The following DCDC1 variants were observed in gnomAD, a reference collection of about 807,000 sequenced individuals.
The protein encoded by DCDC1 is doublecortin domain-containing protein 1.
DCDC1 carries 200 observed loss-of-function variants against 178.3 expected under a neutral mutation model. That is an observed-to-expected ratio of 1.12 (90% confidence interval 1.00 to 1.26). The LOEUF is 1.26. DCDC1 is among the 50% of genes most tolerant of loss of function. The pLI is 0.00. For missense variants in DCDC1, 1,983 were observed against 1,749.2 expected, an observed-to-expected ratio of 1.13 and a Z score of -2.38; for synonymous variants, 690 against 604.8, an observed-to-expected ratio of 1.14 and a Z score of -2.07.
At chr11:30,917,096 G>A in intron 25 of DCDC1, 68 bp from the exon 26 acceptor site, 2 of 1,457,192 alleles carry the variant, frequency 1.4e-6, no homozygotes, top group Non-Finnish European at 1.8e-6. Flanking sequence ...TTTTTTCTGA[G>A]GTGTAGTCTG....
At chr11:31,106,693 T>TA (rs1958871103) in intron 13 of DCDC1, 104 bp downstream of exon 13, 4 of 704,616 alleles carry the variant, frequency 5.7e-6, no homozygotes, top group Admixed American at 2.3e-5. Context: ...GAATTCAAAA[T>TA]AAAAAATGTT....
chr11:31,071,942 A>G (rs1956592219), intron 18 of DCDC1, among the ~76,000 whole-genome samples: 1 of 152,216 alleles, frequency 6.6e-6, no homozygotes, highest in Admixed American at 6.5e-5. Flanking sequence ...TTGAGTTAGA[A>G]CTACCCAAGT....
At chr11:31,261,363 C>A (rs1237537792) in intron 8 of DCDC1, among the ~76,000 whole-genome samples, 2 of 152,116 alleles carry the variant, frequency 1.3e-5, no homozygotes, top group Non-Finnish European at 2.9e-5. Flanking sequence ...CCCCATATCC[C>A]TGTTATTTTG....
At chr11:31,193,744 C>T (rs1177193532) in intron 9 of DCDC1, among the ~76,000 whole-genome samples, 1 of 152,078 alleles carries the variant, frequency 6.6e-6, no homozygotes, top group African/African-American at 2.4e-5. Context: ...CTCATTAACC[C>T]TTTGGAGAAC....
At chr11:31,317,804 A>G (rs1949185819) in intron 3 of DCDC1, among the ~76,000 whole-genome samples, 1 of 50,100 alleles carries the variant, frequency 2.0e-5, no homozygotes, top group Non-Finnish European at 3.4e-5. Context: ...TGTCATAGAT[A>G]GCTCTTATTA....
intron 9 of DCDC1, among the ~76,000 whole-genome samples, chr11:31,229,416 A>G (rs1975465347): frequency 1.3e-5 from 2 of 152,198 alleles, no homozygotes; most frequent in African/African-American, 4.8e-5. Context: ...ATATGTAAAT[A>G]CTACATGAAC....
chr11:30,887,728 G>C (rs955769723), intron 36 of DCDC1, among the ~76,000 whole-genome samples: 2 of 152,064 alleles, frequency 1.3e-5, no homozygotes, highest in African/African-American at 4.8e-5. Context: ...AGTATTGTTT[G>C]GCCAGGTGTG....
At chr11:31,293,257 T>A (rs1947362056) in intron 6 of DCDC1, among the ~76,000 whole-genome samples, 1 of 151,820 alleles carries the variant, frequency 6.6e-6, no homozygotes, top group East Asian at 1.9e-4. Context: ...CTACTCAGAG[T>A]ATTTGAGCAG....
At chr11:30,996,890 GAAC>G (rs1377625021) in intron 20 of DCDC1, among the ~76,000 whole-genome samples, 1 of 152,134 alleles carries the variant, frequency 6.6e-6, no homozygotes, top group Admixed American at 6.6e-5. Context: ...AAACGTACAT[GAAC>G]ATGTATAGCA....
chr11:31,091,573 C>A, intron 16 of DCDC1, 62 bp from the exon 17 acceptor site: 4 of 693,224 alleles, frequency 5.8e-6, no homozygotes, highest in Non-Finnish European at 1.1e-5. Context: ...GAAAATTCAA[C>A]AATGTGTCAC....
chr11:31,279,060 C>A (rs1306011514), intron 7 of DCDC1, among the ~76,000 whole-genome samples: 1 of 152,088 alleles, frequency 6.6e-6, no homozygotes, highest in Non-Finnish European at 1.5e-5. Flanking sequence ...AAACTGGCAT[C>A]ATAATAATTT....
At chr11:30,901,878 C>T (rs1944698647) in intron 32 of DCDC1, among the ~76,000 whole-genome samples, 1 of 152,050 alleles carries the variant, frequency 6.6e-6, no homozygotes, top group African/African-American at 2.4e-5. Context: ...ATATCCTATA[C>T]ACAAAAGTGA....
intron 9 of DCDC1, among the ~76,000 whole-genome samples, chr11:31,211,727 T>C (rs1352085045): frequency 6.6e-6 from 1 of 152,156 alleles, no homozygotes; most frequent in African/African-American, 2.4e-5. Context: ...AGTTATAGTT[T>C]ACGTTCCATA....
chr11:31,136,046 A>G lies in DCDC1; in HGVS notation c.1314+1646T>C, dbSNP rs535436689. Among the ~76,000 whole-genome samples the G allele has an allele frequency of 9.9e-5, 15 of 152,206 alleles. No homozygotes were observed. In the East Asian group the frequency reaches 2.1e-3, roughly 22 times the overall value. ...CTGTCATTCTTTTACAATATTTTCT[A>G]TTTAATCTCTAATGATAATTGGTAT... On this transcript the variant is annotated intron_variant, in intron 10 of 38. Coordinates refer to ENST00000684477, the MANE Select transcript of DCDC1 (RefSeq NM_001387274.1).
chr11:31,081,055 A>G lies in DCDC1; in HGVS notation c.2238-3130T>C, dbSNP rs142658072. 2.0e-3 allele frequency among the ~76,000 whole-genome samples: 303 copies of G among 152,294 alleles called. 1 individual carries two copies. The highest frequency in any genetic ancestry group is 7.0e-3 in the African/African-American group (291 of 41,572). ...TCTCTCAAAACTAATACAACAGAAA[A>G]GATGTCCACCAAGCTGGCAACTGTG... On this transcript the variant is annotated intron_variant, in intron 17 of 38. Transcript: ENST00000684477.
chr11:31,030,520 C>T (rs906597745), intron 20 of DCDC1, among the ~76,000 whole-genome samples: 17 of 152,136 alleles, frequency 1.1e-4, no homozygotes, highest in African/African-American at 3.6e-4. Flanking sequence ...GCCATTGATG[C>T]AATAAGCCTG....
intron 11 of DCDC1, among the ~76,000 whole-genome samples, chr11:31,115,553 C>G (rs1010635429): frequency 6.6e-6 from 1 of 152,098 alleles, no homozygotes; most frequent in African/African-American, 2.4e-5. Flanking sequence ...TACTAGAGGT[C>G]TGGTGAAGGA....
At chr11:31,032,546 T>C (rs1453610798) in intron 20 of DCDC1, among the ~76,000 whole-genome samples, 1 of 150,076 alleles carries the variant, frequency 6.7e-6, no homozygotes, top group Non-Finnish European at 1.5e-5. Flanking sequence ...CATACATACA[T>C]ATGCCTCAGT....
chr11:31,321,526 A>T (rs1415143417), intron 3 of DCDC1, among the ~76,000 whole-genome samples: 1 of 152,094 alleles, frequency 6.6e-6, no homozygotes, highest in Non-Finnish European at 1.5e-5. Flanking sequence ...CGCACGGTGC[A>T]CACACACACT....
Sources: allele counts gnomAD v4.1 joint callset (sites outside exome capture counted in the v4.1 genomes callset), GRCh38; gene constraint gnomAD v4.1.1; transcripts MANE v1.5; gene names NCBI Gene and HGNC (gene_info 2026-07-23, HGNC 2026-07-21).